KDM1B: variants seen among roughly 807,000 people sequenced by gnomAD.
KDM1B encodes lysine-specific histone demethylase 2.
In KDM1B, 63 loss-of-function variants were observed where a neutral mutation model predicts 107.4. The ratio of observed to expected loss-of-function variants is 0.59; its 90% confidence interval spans 0.48 to 0.72. The LOEUF (loss-of-function observed/expected upper bound fraction) is 0.72, where lower values mean the gene tolerates loss of function less well. Among genes scored for constraint, KDM1B ranks in the 30% least tolerant of loss-of-function variants. The pLI is 0.00. For synonymous variants in KDM1B, 363 were observed against 363.9 expected (o/e 1.00, Z 0.03); for missense variants, 749 against 1,020.8 (o/e 0.73, Z 3.63).
intron 5 of KDM1B, among the ~76,000 whole-genome samples, chr6:18,164,483 CATT>C (rs1280706663): frequency 1.3e-5 from 2 of 152,122 alleles, no homozygotes; most frequent in African/African-American, 2.4e-5. Context: ...GTACATCTAA[CATT>C]GTTGTGGATT....
At chr6:18,192,733 C>T (rs1278971376) in intron 10 of KDM1B, among the ~76,000 whole-genome samples, 1 of 137,216 alleles carries the variant, frequency 7.3e-6, no homozygotes, top group Admixed American at 7.0e-5. Flanking sequence ...AGTGAGATCC[C>T]GTCTCAAAAA....
intron 10 of KDM1B, among the ~76,000 whole-genome samples, chr6:18,193,294 CTTTCTTTTTTT>C (rs1403918521): frequency 8.4e-6 from 1 of 118,792 alleles, no homozygotes; most frequent in Admixed American, 8.4e-5. Context: ...GAAATGTGTG[CTTTCTTTTTTT>C]TTTTTTTTTT....
chr6:18,194,256 CCA>C (rs1275445292), intron 10 of KDM1B, among the ~76,000 whole-genome samples: 5 of 152,170 alleles, frequency 3.3e-5, no homozygotes, highest in African/African-American at 1.2e-4. Context: ...CTCAGGTGAT[CCA>C]CCCGCCTTGG....
rs1366015081 is a variant in KDM1B at position 18,213,479 on chromosome 6, AC to A, written c.1984-175del. ...AAAAAACAAAACAAAACAAAAAACAACCAAGGAGTTCACAGGGGGAAAAAAG... is the reference window on the plus strand; with the variant it reads ...AAAAAACAAAACAAAACAAAAAACAACAAGGAGTTCACAGGGGGAAAAAAG... On this transcript the variant is annotated intron_variant, in intron 18 of 21. Coordinates refer to ENST00000650836, the MANE Select transcript of KDM1B (RefSeq NM_001364614.2). This position sits in a 1 kb window ranked among gnomAD's most constrained non-coding sequence, Gnocchi z 5.9. 6.6e-6 allele frequency among the ~76,000 whole-genome samples: 1 copy of A among 151,814 alleles called. No homozygotes were observed. The highest frequency in any genetic ancestry group is 1.5e-5 in the Non-Finnish European group (1 of 67,930).
At chr6:18,178,870 T>C (rs112086121) in intron 7 of KDM1B, among the ~76,000 whole-genome samples, 261 of 152,370 alleles carry the variant, frequency 1.7e-3, no homozygotes, top group African/African-American at 6.1e-3. Flanking sequence ...CAAATAATCA[T>C]GATTGTCTAC....
rs144794745 is a variant in KDM1B, at chr6:18,196,433, A to G, written c.970-624A>G. Among the ~76,000 whole-genome samples, 3 of 152,290 alleles carry G rather than the reference A, an allele frequency of 2.0e-5. No homozygotes were observed. In the East Asian group the frequency reaches 5.8e-4, roughly 29 times the overall value. ...TTCCATAATGACTGTACTAATGTAC[A>G]TTCCACCAACAGTGAATAAGGGTTC... On this transcript the variant is annotated intron_variant, in intron 10 of 21. Transcript: ENST00000650836.
At chr6:18,208,603 G>GTGTATA (rs1359166965) in intron 17 of KDM1B, among the ~76,000 whole-genome samples, 7 of 34,912 alleles carry the variant, frequency 2.0e-4, no homozygotes, top group Admixed American at 5.7e-4. Flanking sequence ...GTATGTGTAT[G>GTGTATA]TATATATATA....
At position 18,179,849 on chromosome 6, in the gene KDM1B, CCTTTTTTTTTTTT is replaced by C. The variant is rs1427260931; in HGVS notation, c.535-5922_535-5910del. On this transcript the variant is annotated intron_variant, in intron 7 of 21. Transcript: ENST00000650836. ...TTTCAATTTAGCATTGGTTTTTTTT[CCTTTTTTTTTTTT>C]TTTTTTTTTTTTTTTTCATAAGGCA... Among the ~76,000 whole-genome samples the C allele has an allele frequency of 9.3e-5, 9 of 96,290 alleles. 1 individual carries two copies. Among genetic ancestry groups the C allele is most frequent in the East Asian group, 3.2e-4 (1 of 3,120 alleles). 63.2% of individuals were successfully genotyped at this position (96,290 alleles called of 152,430 possible). A position where few individuals can be genotyped will look rare whatever the true frequency, so the allele number is the denominator to read the frequency against.
rs534698689 is a variant in KDM1B, at chr6:18,207,837, T to G, written c.1792-295T>G. On this transcript the variant is annotated intron_variant, in intron 16 of 21. Coordinates refer to ENST00000650836, the MANE Select transcript of KDM1B (RefSeq NM_001364614.2). Reference sequence around the variant, plus strand: ...TTTTCCCTTCAAATCTTTGTCTCAGTGCATTTGTATTGTGTGTTATTGTAA... The same window carrying G: ...TTTTCCCTTCAAATCTTTGTCTCAGGGCATTTGTATTGTGTGTTATTGTAA... Among the ~76,000 whole-genome samples the G allele has an allele frequency of 4.6e-5, 7 of 152,330 alleles. No homozygotes were observed. The East Asian group carries it at 1.3e-3, about 29-fold the overall frequency.
At chr6:18,220,755 C>T (rs1789637041) in intron 21 of KDM1B, among the ~76,000 whole-genome samples, 3 of 150,834 alleles carry the variant, frequency 2.0e-5, no homozygotes, top group South Asian at 4.2e-4. Context: ...TGCTTTGATG[C>T]GATTATTACC....
chr6:18,197,144 C>T lies in KDM1B; in HGVS notation c.1057C>T (p.Leu353=). The change falls in exon 11 of 22, where the codon CTG becomes TTG. Residue 353 remains leucine (L), a synonymous_variant. Coordinates refer to ENST00000650836, the MANE Select transcript of KDM1B (RefSeq NM_001364614.2). The surrounding 1 kb of genome is among the most constrained non-coding windows in gnomAD (Gnocchi z 4.5). ...ATGCGTTCAGGAAGTGGAGAGAATA[C>T]TGTATTTTATGACCAGAAAAGGTCT... ...IRCVQEVERI[L]YFMTRKGLIN... The T allele has an allele frequency of 2.5e-6, 4 of 1,614,094 alleles. No homozygotes were observed. Among genetic ancestry groups the T allele is most frequent in the Non-Finnish European group, 3.4e-6 (4 of 1,179,986 alleles).
chr6:18,211,908 T>G lies in KDM1B; in HGVS notation c.1867-580T>G, dbSNP rs1788876307. On this transcript the variant is annotated intron_variant, in intron 17 of 21. Transcript: ENST00000650836. The surrounding 1 kb of genome is among the most constrained non-coding windows in gnomAD (Gnocchi z 5.2). ...GCATAAAGTTCTCCTGACTCCATAG[T>G]TAGGGCTCTTTCCTCCTCAAGTACT... The G allele has an allele frequency of 6.4e-6, 1 of 156,030 alleles. No individual in the cohort carries two copies. Among genetic ancestry groups the G allele is most frequent in the Non-Finnish European group, 1.4e-5 (1 of 71,096 alleles). The allele number at this position is 156,030 out of a possible 1,614,324, so 9.7% of individuals were successfully genotyped here.
intron 7 of KDM1B, among the ~76,000 whole-genome samples, chr6:18,173,188 A>G (rs971840418): frequency 6.6e-6 from 1 of 152,072 alleles, no homozygotes; most frequent in Non-Finnish European, 1.5e-5. Flanking sequence ...GTACCATACT[A>G]CAACATTTTG....
rs1336880949 is a variant in KDM1B, at chr6:18,213,377, A to G, written c.1984-279A>G. Among the ~76,000 whole-genome samples, 2 of 151,626 alleles carry G rather than the reference A, an allele frequency of 1.3e-5. No homozygotes were observed. The highest frequency in any genetic ancestry group is 4.8e-5 in the African/African-American group (2 of 41,316). ...CTCGAAACCGGAAAGTGGAGGCTGCAGTGAGCCAAGATCGCTCCATTGCAC... is the reference window on the plus strand; with the variant it reads ...CTCGAAACCGGAAAGTGGAGGCTGCGGTGAGCCAAGATCGCTCCATTGCAC... On this transcript the variant is annotated intron_variant, in intron 18 of 21. Transcript: ENST00000650836. The surrounding 1 kb of genome is among the most constrained non-coding windows in gnomAD (Gnocchi z 5.9).
chr6:18,208,603 G>GTGTATATATATA (rs1359166965), intron 17 of KDM1B, among the ~76,000 whole-genome samples: 9 of 34,906 alleles, frequency 2.6e-4, no homozygotes, highest in Admixed American at 5.7e-4. Context: ...GTATGTGTAT[G>GTGTATATATATA]TATATATATA....
At chr6:18,208,627 ATTTTTTTTTTTTTT>A (rs1167715268) in intron 17 of KDM1B, among the ~76,000 whole-genome samples, 1 of 25,736 alleles carries the variant, frequency 3.9e-5, no homozygotes, top group African/African-American at 1.4e-4. Context: ...ATATATATAT[ATTTTTTTTTTTTTT>A]TTTTTTTTTT....
At position 18,172,226 on chromosome 6, in the gene KDM1B, T is replaced by C. The variant is rs1561914158; in HGVS notation, c.534+747T>C. Among the ~76,000 whole-genome samples, 1 of 152,190 alleles carries C rather than the reference T, an allele frequency of 6.6e-6. No homozygotes were observed. ...TTGAAATTTGGCAATTACTTACTGT[T>C]TAAAAACCTATTATTATTGCTTTAG... is the stretch of plus-strand genomic sequence containing the variant. On this transcript the variant is annotated intron_variant, in intron 7 of 21. Coordinates refer to ENST00000650836, the MANE Select transcript of KDM1B (RefSeq NM_001364614.2). The surrounding 1 kb of genome is among the most constrained non-coding windows in gnomAD (Gnocchi z 5.2).
chr6:18,217,672 G>A, intron 20 of KDM1B, 61 bp from the exon 21 acceptor site: 1 of 1,453,428 alleles, frequency 6.9e-7, no homozygotes, highest in Non-Finnish European at 9.6e-7. Flanking sequence ...ATGAGTCACT[G>A]CGCCCTGCCA....
chr6:18,202,229 T>C (rs1409588899), intron 14 of KDM1B, among the ~76,000 whole-genome samples: 1 of 144,070 alleles, frequency 6.9e-6, no homozygotes, highest in African/African-American at 2.8e-5. Context: ...GTGAGCCTTG[T>C]GTCTACAAAA....
Sources: gnomAD v4.1 joint callset for allele counts (sites outside exome capture counted in the v4.1 genomes callset) on GRCh38, gnomAD v4.1.1 for gene constraint, Gnocchi (gnomAD v3.1) non-coding constraint, MANE v1.5 for transcripts, NCBI Gene and HGNC (gene_info 2026-07-23, HGNC 2026-07-21) for gene names.